Variants in ESPNL observed in about 807,000 individuals in gnomAD.
ESPNL encodes the protein espin like.
ESPNL carries 49 observed loss-of-function variants against 46.8 expected under a neutral mutation model. The ratio of observed to expected loss-of-function variants is 1.05; its 90% CI spans 0.83 to 1.33. The LOEUF (loss-of-function observed/expected upper bound fraction) is 1.33. ESPNL is among the 40% of genes most tolerant of loss of function. The pLI, the probability that ESPNL is intolerant of heterozygous loss-of-function variation, is 0.00. For synonymous variants in ESPNL, 664 were observed against 662.1 expected (o/e 1.00, Z -0.04); for missense variants, 1,540 against 1,436.6 (o/e 1.07, Z -1.16).
chr2:238,111,297 G>A (rs928097060), intron 4 of ESPNL, among the ~76,000 whole-genome samples: 1 of 152,060 alleles, frequency 6.6e-6, no homozygotes, highest in African/African-American at 2.4e-5. Context: ...TAAAAAATAC[G>A]TAACATAAAA....
At chr2:238,112,594 A>C (rs962766952) in intron 4 of ESPNL, among the ~76,000 whole-genome samples, 5 of 152,166 alleles carry the variant, frequency 3.3e-5, no homozygotes, top group Non-Finnish European at 5.9e-5. Flanking sequence ...TACCTCACTT[A>C]CTTTTCAACC....
At position 238,130,569 on chromosome 2, in the gene ESPNL, A is replaced by G; in HGVS notation, c.1855A>G (p.Lys619Glu). ...GVHGLVQGDEKPSTRPLQDTC... is the reference protein window; with the variant it reads ...GVHGLVQGDEEPSTRPLQDTC... ...GCATGGGCTAGTACAGGGGGATGAGAAGCCATCCACCCGGCCCCTGCAGGA... is the reference window on the plus strand; with the variant it reads ...GCATGGGCTAGTACAGGGGGATGAGGAGCCATCCACCCGGCCCCTGCAGGA... The change falls in exon 9 of 9, where the codon AAG becomes GAG. Residue 619 changes from lysine to glutamate, a missense_variant. By Grantham distance (56) the Lys-to-Glu change is moderately conservative (BLOSUM62 1). Coordinates refer to ENST00000343063, the MANE Select transcript of ESPNL (RefSeq NM_194312.4). The G allele has an allele frequency of 6.3e-7, 1 of 1,582,636 alleles. No individual in the cohort carries two copies. Among genetic ancestry groups the G allele is most frequent in the South Asian group, 1.1e-5 (1 of 86,998 alleles).
Position 238,128,910 on chromosome 2 carries a change from CCCCCGGCAGGGGCG to C in ESPNL, c.1413+7_1413+20del, listed in dbSNP as rs1692208651. 1 of 1,534,778 alleles carries C rather than the reference CCCCCGGCAGGGGCG, an allele frequency of 6.5e-7. No individual in the cohort carries two copies. The highest frequency in any genetic ancestry group is 1.4e-5 in the African/African-American group (1 of 72,768). The stretch of plus-strand genomic sequence containing the variant: ...AGAGCTCCGCAGAGGCCCAGGTAGG[CCCCCGGCAGGGGCG>C]GGACCAGTGGGCGGGGCGGGGCCTT... On this transcript the variant is annotated splice_region_variant and intron_variant, in intron 8 of 8. Coordinates refer to ENST00000343063, the MANE Select transcript of ESPNL (RefSeq NM_194312.4).
rs536549914 is a variant in ESPNL, at chr2:238,101,140, C to T, written c.294+427C>T. Reference sequence around the variant, plus strand: ...GGCTGCTGATGGTGATCGTCTTGTCCGGATCGTTTCTACTGGGCCCCCCTC... The same window carrying T: ...GGCTGCTGATGGTGATCGTCTTGTCTGGATCGTTTCTACTGGGCCCCCCTC... On this transcript the variant is annotated intron_variant, in intron 1 of 8. Transcript: ENST00000343063. Among the ~76,000 whole-genome samples, 7 of 152,266 alleles carry T rather than the reference C, an allele frequency of 4.6e-5. No individual in the cohort carries two copies. In the East Asian group the frequency reaches 1.2e-3, roughly 25 times the overall value.
At chr2:238,119,209 A>T (rs2106472750) in intron 5 of ESPNL, among the ~76,000 whole-genome samples, 1 of 125,810 alleles carries the variant, frequency 7.9e-6, no homozygotes, top group South Asian at 2.9e-4. Context: ...AGGAGGGTGG[A>T]TGGAGGAGGG....
intron 8 of ESPNL, 93 bp downstream of exon 8, chr2:238,128,997 G>A: frequency 4.1e-6 from 6 of 1,464,186 alleles, no homozygotes; most frequent in Non-Finnish European, 5.4e-6. Context: ...GCCCAGAACT[G>A]AATCCAAGAC....
In ESPNL at chr2:238,107,817, G is replaced by T; in HGVS notation, c.699G>T (p.Thr233=). Residue 233 remains threonine (T), a synonymous_variant, in exon 4 of 9, where the codon ACG becomes ACT. Transcript: ENST00000343063. ...TCACATTCACCGACATCGGACTCAC[G>T]GCACGGGACAATGAGGGGGCCACGG... ...WLVTFTDIGL[T]ARDNEGATAL... The T allele has an allele frequency of 1.9e-6, 3 of 1,602,114 alleles. No individual in the cohort carries two copies. The highest frequency in any genetic ancestry group is 3.3e-4 in the Middle Eastern group (2 of 6,046).
intron 6 of ESPNL, among the ~76,000 whole-genome samples, chr2:238,126,632 T>TTCTG (rs2106477590): frequency 6.7e-6 from 1 of 149,208 alleles, no homozygotes; most frequent in Admixed American, 6.6e-5. Flanking sequence ...TGTGTGTCTG[T>TTCTG]TCTGTGTTTC....
chr2:238,124,848 T>C (rs1156239084), intron 5 of ESPNL, among the ~76,000 whole-genome samples: 1 of 152,060 alleles, frequency 6.6e-6, no homozygotes, highest in Non-Finnish European at 1.5e-5. Context: ...TGCATGTGTG[T>C]GCAGGAGAGC....
chr2:238,103,572 G>T lies in ESPNL; in HGVS notation c.486-1084G>T, dbSNP rs564062868. 5.3e-5 allele frequency among the ~76,000 whole-genome samples: 8 copies of T among 152,322 alleles called. No homozygotes were observed. The South Asian group carries it at 1.7e-3, about 32-fold the overall frequency. ...AGCAGCCGAGAGGTGGCTGCCCCTGGCCAGACCATGCCCCCTCCAGTTGCC... is the reference window on the plus strand; with the variant it reads ...AGCAGCCGAGAGGTGGCTGCCCCTGTCCAGACCATGCCCCCTCCAGTTGCC... On this transcript the variant is annotated intron_variant, in intron 2 of 8. Transcript: ENST00000343063.
At chr2:238,105,875 T>G (rs974371558) in intron 3 of ESPNL, among the ~76,000 whole-genome samples, 5 of 152,050 alleles carry the variant, frequency 3.3e-5, no homozygotes, top group African/African-American at 9.7e-5. Flanking sequence ...GGGCCTCCTG[T>G]CTCCTGGCTC....
rs77322629 is a variant in ESPNL at position 238,132,014 on chromosome 2, G to A, written c.*282G>A. Reference sequence around the variant, plus strand: ...GGGCACCTCTGCCCAGCCGGCCCCCGAGACCTGGGATGCTGCCTGTTTCTC... The same window carrying A: ...GGGCACCTCTGCCCAGCCGGCCCCCAAGACCTGGGATGCTGCCTGTTTCTC... On this transcript the variant is annotated 3_prime_UTR_variant, in exon 9 of 9. Coordinates refer to ENST00000343063, the MANE Select transcript of ESPNL (RefSeq NM_194312.4). 28 of 348,218 alleles carry A rather than the reference G, an allele frequency of 8.0e-5. No individual in the cohort carries two copies. The highest frequency in any genetic ancestry group is 8.0e-4 in the Middle Eastern group (1 of 1,244). The allele number at this position is 348,218 out of a possible 1,614,324, so 21.6% of individuals were successfully genotyped here. A position where few individuals can be genotyped will look rare whatever the true frequency, so the allele number is the denominator to read the frequency against.
At chr2:238,124,771 G>A (rs532512478) in intron 5 of ESPNL, among the ~76,000 whole-genome samples, 54 of 150,098 alleles carry the variant, frequency 3.6e-4, no homozygotes, top group African/African-American at 1.0e-3. Context: ...GTGTACATGC[G>A]TGTGTGCAGG....
chr2:238,104,281 A>G (rs1691546383), intron 2 of ESPNL, among the ~76,000 whole-genome samples: 1 of 152,204 alleles, frequency 6.6e-6, no homozygotes, highest in Non-Finnish European at 1.5e-5. Context: ...CTCCACAGCT[A>G]CCAGGCACCC....
rs1490036072 is a variant in ESPNL at position 238,128,614 on chromosome 2, G to T, written c.1216-93G>T. The stretch of plus-strand genomic sequence containing the variant: ...CAGGGCGCCCTGTTAGCGTGCCCTG[G>T]GCGGAGCCAACCCCCCACGTCCTCT... On this transcript the variant is annotated intron_variant, in intron 7 of 8. Transcript: ENST00000343063. 12 of 1,284,264 alleles carry T rather than the reference G, an allele frequency of 9.3e-6. No individual in the cohort carries two copies. In the East Asian group the frequency reaches 3.1e-4, roughly 33 times the overall value. 79.6% of individuals were successfully genotyped at this position (1,284,264 alleles called of 1,614,324 possible). A position where few individuals can be genotyped will look rare whatever the true frequency, so the allele number is the denominator to read the frequency against.
At chr2:238,120,255 A>G (rs1242806389) in intron 5 of ESPNL, among the ~76,000 whole-genome samples, 1 of 152,070 alleles carries the variant, frequency 6.6e-6, no homozygotes, top group Non-Finnish European at 1.5e-5. Flanking sequence ...CAGCTCCTTC[A>G]AGGCCGCTAG....
chr2:238,106,680 C>T (rs1255015746), intron 3 of ESPNL, among the ~76,000 whole-genome samples: 1 of 152,260 alleles, frequency 6.6e-6, no homozygotes, highest in Admixed American at 6.5e-5. Context: ...TGAGCGGCGG[C>T]TGCACACAGT....
chr2:238,107,852 T>A lies in ESPNL; in HGVS notation c.734T>A (p.Phe245Tyr), dbSNP rs746579276. Residue 245 changes from phenylalanine (F) to tyrosine (Y), a missense_variant, in exon 4 of 9, where the codon TTT (phenylalanine) becomes TAT (tyrosine). Transcript: ENST00000343063. ...AATGAGGGGGCCACGGCCCTGCACT[T>A]TGCAGCCCGAGGCGGCCACACGCCC... ...RDNEGATALH[F>Y]AARGGHTPIL... 19 of 1,609,780 alleles carry A rather than the reference T, an allele frequency of 1.2e-5. No homozygotes were observed. Among genetic ancestry groups the A allele is most frequent in the Non-Finnish European group, 1.6e-5 (19 of 1,178,598 alleles).
Position 238,131,338 on chromosome 2 carries a change from G to C in ESPNL, c.2624G>C (p.Arg875Pro), listed in dbSNP as rs780626181. Residue 875 changes from arginine (R) to proline (P), a missense_variant, in exon 9 of 9, where the codon CGG becomes CCG. Transcript: ENST00000343063. ...GAGTGCGACCTGCCGGCGGAGGAGC[G>C]GAAGCTGCGCCACCTGCTGTGCTTC... is the stretch of plus-strand genomic sequence containing the variant. Reference protein sequence around the residue: ...LLECDLPAEERKLRHLLCFEV... With the variant: ...LLECDLPAEEPKLRHLLCFEV... 1 of 1,592,472 alleles carries C rather than the reference G, an allele frequency of 6.3e-7. No homozygotes were observed. The highest frequency in any genetic ancestry group is 8.5e-7 in the Non-Finnish European group (1 of 1,170,190).
Sources: gnomAD v4.1 joint callset for allele counts (sites outside exome capture counted in the v4.1 genomes callset) on GRCh38, gnomAD v4.1.1 for gene constraint, MANE v1.5 for transcripts, NCBI Gene and HGNC (gene_info 2026-07-23, HGNC 2026-07-21) for gene names.